Variants in SEPTIN3 observed in about 807,000 individuals in gnomAD.
SEPTIN3 encodes the protein septin 3.
SEPTIN3 carries 15 observed loss-of-function variants against 45.1 expected under a neutral mutation model. That is an observed-to-expected ratio of 0.33 (90% CI 0.22 to 0.51). SEPTIN3 has a LOEUF of 0.51. Ranked by LOEUF, SEPTIN3 falls within the 20% of genes least tolerant of loss-of-function variation. SEPTIN3 has a pLI of 0.97. For missense variants in SEPTIN3, 289 were observed against 457.2 expected, an observed-to-expected ratio of 0.63 and a Z score of 3.35; for synonymous variants, 148 against 164.8, an observed-to-expected ratio of 0.90 and a Z score of 0.78.
intron 2 of SEPTIN3, among the ~76,000 whole-genome samples, chr22:41,974,399 T>C (rs2077992855): frequency 6.6e-6 from 1 of 152,036 alleles, no homozygotes; most frequent in Admixed American, 6.5e-5. Context: ...GCGTGGTGGC[T>C]CACACCTATA....
chr22:41,986,744 G>A (rs133292), intron 4 of SEPTIN3, among the ~76,000 whole-genome samples: 64,546 of 151,704 alleles, frequency 0.43, 14,919 homozygotes, highest in East Asian at 0.85. Flanking sequence ...CTCGTGATCC[G>A]CCTGCCTTGG....
chr22:41,996,374 C>T, intron 11 of SEPTIN3: 2 of 985,704 alleles, frequency 2.0e-6, no homozygotes, highest in Non-Finnish European at 2.4e-6. Flanking sequence ...CTCATACAAC[C>T]TTCTGTCCCA....
chr22:41,992,470 G>A (rs145067581), intron 8 of SEPTIN3, among the ~76,000 whole-genome samples, 194 bp from the exon 9 acceptor site: 27 of 152,350 alleles, frequency 1.8e-4, no homozygotes, highest in African/African-American at 6.0e-4. Context: ...ACTAGACCCA[G>A]GACTCTTCAA....
intron 2 of SEPTIN3, among the ~76,000 whole-genome samples, chr22:41,979,540 G>A (rs1447501878): frequency 1.3e-5 from 2 of 152,184 alleles, no homozygotes; most frequent in Non-Finnish European, 2.9e-5. Flanking sequence ...GTGCTGAGTG[G>A]GGCCTGTGAG....
chr22:41,984,844 CCTTT>C (rs2078177510), intron 3 of SEPTIN3, among the ~76,000 whole-genome samples: 2 of 109,842 alleles, frequency 1.8e-5, no homozygotes, highest in Non-Finnish European at 3.9e-5. Context: ...AGTGGTTTTC[CCTTT>C]TTTTTTTTTT....
At chr22:41,978,062 G>C (rs889343419) in intron 2 of SEPTIN3, among the ~76,000 whole-genome samples, 1 of 152,138 alleles carries the variant, frequency 6.6e-6, no homozygotes, top group Admixed American at 6.5e-5. Context: ...GCTGTGACCC[G>C]AGCTCTTCCC....
At position 41,994,387 on chromosome 22, in the gene SEPTIN3, T is replaced by C. The variant is rs966133709; in HGVS notation, c.2411+46T>C. On this transcript the variant is annotated intron_variant, in intron 10 of 11. Transcript: ENST00000644076. The surrounding 1 kb of genome is among the most constrained non-coding windows in gnomAD (Gnocchi z 4.2). ...CTGTCCAGACAGCAGGTTGAATTAT[T>C]TGGGGTCAGGGTCTATCTGTTCAGA... The C allele has an allele frequency of 6.2e-7, 1 of 1,601,354 alleles. No individual in the cohort carries two copies. The highest frequency in any genetic ancestry group is 2.2e-5 in the East Asian group (1 of 44,800).
chr22:41,989,458 C>T, intron 6 of SEPTIN3, 109 bp from the exon 7 acceptor site: 1 of 751,774 alleles, frequency 1.3e-6, no homozygotes, highest in South Asian at 1.6e-5. Flanking sequence ...TGGCCTCAGC[C>T]AGATGCCCAG....
Position 41,976,370 on chromosome 22 carries a change from T to C in SEPTIN3, c.1504+3374T>C, listed in dbSNP as rs2078020502. On this transcript the variant is annotated intron_variant, in intron 2 of 11. Coordinates refer to ENST00000644076, the MANE Select transcript of SEPTIN3 (RefSeq NM_001363845.2). The surrounding 1 kb of genome is among the most constrained non-coding windows in gnomAD (Gnocchi z 5.8). The stretch of plus-strand genomic sequence containing the variant: ...CCACTGAATGCGTGAAATTTTTTTC[T>C]AATGGGCAAACTGAGGCTCAGAGAA... 6.6e-6 allele frequency: 1 copy of C among 152,328 alleles called. No individual in the cohort carries two copies. Among genetic ancestry groups the C allele is most frequent in the South Asian group, 2.1e-4 (1 of 4,842 alleles). 9.4% of individuals were successfully genotyped at this position (152,328 alleles called of 1,614,324 possible).
chr22:41,996,444 C>A, intron 11 of SEPTIN3: 2 of 987,834 alleles, frequency 2.0e-6, no homozygotes, highest in South Asian at 9.4e-5. Flanking sequence ...CTTATAATCC[C>A]AGTCTTTTAT....
At chr22:41,989,198 T>C (rs1391882191) in intron 6 of SEPTIN3, among the ~76,000 whole-genome samples, 1 of 151,950 alleles carries the variant, frequency 6.6e-6, no homozygotes, top group Non-Finnish European at 1.5e-5. Context: ...TTTTTTGTTT[T>C]TGAGACAGAC....
chr22:41,994,758 G>A lies in SEPTIN3; in HGVS notation c.2505+44G>A, dbSNP rs1357971031. 4 of 1,613,848 alleles carry A rather than the reference G, an allele frequency of 2.5e-6. No homozygotes were observed. The highest frequency in any genetic ancestry group is 2.5e-6 in the Non-Finnish European group (3 of 1,179,988). Reference sequence around the variant, plus strand: ...GAAAGCCACGACAGTAACCCATGACGACCACTTCTCTGTGTCATCACACAT... The same window carrying A: ...GAAAGCCACGACAGTAACCCATGACAACCACTTCTCTGTGTCATCACACAT... On this transcript the variant is annotated intron_variant, in intron 11 of 11. Transcript: ENST00000644076. This position sits in a 1 kb window ranked among gnomAD's most constrained non-coding sequence, Gnocchi z 4.2.
At chr22:41,977,346 GAC>G (rs1185360716) in intron 2 of SEPTIN3, among the ~76,000 whole-genome samples, 2 of 152,066 alleles carry the variant, frequency 1.3e-5, no homozygotes, top group African/African-American at 4.8e-5. Context: ...AGTACACCAA[GAC>G]ACGCACACAC....
rs1228922540 is a variant in SEPTIN3 at position 41,971,982 on chromosome 22, C to T, written c.490C>T (p.His164Tyr). The T allele has an allele frequency of 2.5e-6, 1 of 398,984 alleles. No individual in the cohort carries two copies. Among genetic ancestry groups the T allele is most frequent in the African/African-American group, 2.1e-5 (1 of 48,634 alleles). The allele number at this position is 398,984 out of a possible 1,614,324, so 24.7% of individuals were successfully genotyped here. The change falls in exon 2 of 12, where the codon CAC becomes TAC. Residue 164 changes from histidine to tyrosine, a missense_variant. Physicochemically the swap from His to Tyr is moderately conservative, Grantham distance 83. Around this residue, in one of 3 missense-constraint regions of SEPTIN3, gnomAD observed 200 missense variants for 315.1 expected, o/e 0.63. Coordinates refer to ENST00000644076, the MANE Select transcript of SEPTIN3 (RefSeq NM_001363845.2). ...GACCCTAGTGCCAGGGGGCAGGGTC[C>T]ACTCTGAGGGCCCAGGGAACCCAGG... ...PVTLVPGGRV[H>Y]SEGPGNPGLT...
At chr22:41,986,229 C>A in intron 4 of SEPTIN3, 117 bp downstream of exon 4, 1 of 1,231,646 alleles carries the variant, frequency 8.1e-7, no homozygotes, top group Non-Finnish European at 1.1e-6. Flanking sequence ...TAAGACAAAA[C>A]AGACGTGAGC....
chr22:41,988,651 CA>C (rs1276263476), intron 6 of SEPTIN3, among the ~76,000 whole-genome samples: 1 of 152,156 alleles, frequency 6.6e-6, no homozygotes, highest in Non-Finnish European at 1.5e-5. Flanking sequence ...AACCATCAGA[CA>C]GACTGACTTA....
rs1175392499 is a variant in SEPTIN3, at chr22:41,997,527, G to A, written c.*560G>A. The A allele has an allele frequency of 6.6e-6, 1 of 152,472 alleles. No homozygotes were observed. Among genetic ancestry groups the A allele is most frequent in the Non-Finnish European group, 1.5e-5 (1 of 68,186 alleles). 9.4% of individuals were successfully genotyped at this position (152,472 alleles called of 1,614,324 possible). A position where few individuals can be genotyped will look rare whatever the true frequency, so the allele number is the denominator to read the frequency against. ...CACTTTTTAAAAAATCACCACTTGT[G>A]GCTGTCCCAGAGTGCGGTTGTACAT... is the stretch of plus-strand genomic sequence containing the variant. On this transcript the variant is annotated 3_prime_UTR_variant, in exon 12 of 12. Transcript: ENST00000644076.
rs573841715 is a variant in SEPTIN3, at chr22:41,972,815, A to T, written c.1323A>T (p.Val441=). ...MGTAVGSVVP[V]TPDPATGKTT... Reference sequence around the variant, plus strand: ...CAGCTGTGGGTTCAGTTGTGCCAGTAACCCCAGACCCAGCCACTGGGAAGA... The same window carrying T: ...CAGCTGTGGGTTCAGTTGTGCCAGTTACCCCAGACCCAGCCACTGGGAAGA... Residue 441 remains valine, a synonymous_variant, in exon 2 of 12, where the codon GTA becomes GTT. Transcript: ENST00000644076. The T allele has an allele frequency of 7.5e-6, 3 of 399,162 alleles. No homozygotes were observed. Among genetic ancestry groups the T allele is most frequent in the South Asian group, 2.5e-4 (2 of 7,860 alleles). 24.7% of individuals were successfully genotyped at this position (399,162 alleles called of 1,614,324 possible). A position where few individuals can be genotyped will look rare whatever the true frequency, so the allele number is the denominator to read the frequency against.
intron 2 of SEPTIN3, 108 bp downstream of exon 2, chr22:41,973,104 C>T: frequency 2.5e-6 from 1 of 397,546 alleles, no homozygotes; most frequent in Non-Finnish European, 4.4e-6. Flanking sequence ...AGGAAGGACT[C>T]TAAGGTCAGG....
Sources: gnomAD v4.1 joint callset for allele counts (sites outside exome capture counted in the v4.1 genomes callset) on GRCh38, gnomAD v4.1.1 for gene constraint, gnomAD v4.1.1 regional missense constraint, Gnocchi (gnomAD v3.1) non-coding constraint, MANE v1.5 for transcripts, NCBI Gene and HGNC (gene_info 2026-07-23, HGNC 2026-07-21) for gene names.